The following AGBL4 variants were observed in gnomAD, a reference collection of about 807,000 sequenced individuals.
AGBL4 encodes the protein AGBL carboxypeptidase 4, also known as cytosolic carboxypeptidase 6.
Under a neutral mutation model 66.4 loss-of-function variants are expected in AGBL4, and 58 were observed. That is an observed-to-expected ratio of 0.87 (90% CI 0.71 to 1.09). The LOEUF is 1.09. Among genes scored for constraint, AGBL4 ranks in the 50% least tolerant of loss-of-function variants. The pLI is 0.00. For synonymous variants in AGBL4, 234 were observed against 222.9 expected (o/e 1.05, Z -0.44); for missense variants, 579 against 631.0 (o/e 0.92, Z 0.88).
At chr1:49,096,597 C>G (rs1329401314) in intron 4 of AGBL4, among the ~76,000 whole-genome samples, 2 of 148,424 alleles carry the variant, frequency 1.3e-5, no homozygotes, top group Non-Finnish European at 3.0e-5. Context: ...GGACAAAAAA[C>G]CAAATACTGC....
intron 3 of AGBL4, among the ~76,000 whole-genome samples, chr1:49,480,918 G>A (rs10000902): frequency 2.5e-4 from 38 of 151,852 alleles, no homozygotes; most frequent in Non-Finnish European, 4.7e-4. Context: ...GCTTGTTTTC[G>A]TCAGGTTTGT....
chr1:48,903,596 C>G (rs542344172), intron 5 of AGBL4, among the ~76,000 whole-genome samples: 1 of 152,334 alleles, frequency 6.6e-6, no homozygotes, highest in South Asian at 2.1e-4. Context: ...TTCAGCACTT[C>G]TCCTACCACT....
At chr1:49,303,318 ATC>A (rs1294692880) in intron 3 of AGBL4, among the ~76,000 whole-genome samples, 3 of 152,104 alleles carry the variant, frequency 2.0e-5, no homozygotes, top group African/African-American at 7.2e-5. Flanking sequence ...CCTTGCCAGC[ATC>A]TGTTTTTTCT....
chr1:49,967,169 T>A (rs1480040472), intron 1 of AGBL4, among the ~76,000 whole-genome samples: 1 of 152,210 alleles, frequency 6.6e-6, no homozygotes, highest in Non-Finnish European at 1.5e-5. Context: ...CCAGCATCTG[T>A]TGTTTCCTGA....
At chr1:49,551,027 G>T (rs184019005) in intron 3 of AGBL4, among the ~76,000 whole-genome samples, 2 of 152,018 alleles carry the variant, frequency 1.3e-5, no homozygotes, top group Non-Finnish European at 2.9e-5. Flanking sequence ...TTGTTGGATT[G>T]GGTTAATTAA....
chr1:49,135,846 T>C lies in AGBL4; in HGVS notation c.378-90046A>G, dbSNP rs373872529. Among the ~76,000 whole-genome samples the C allele has an allele frequency of 1.2e-4, 19 of 152,258 alleles. No homozygotes were observed. The East Asian group carries it at 2.5e-3, about 20-fold the overall frequency. On this transcript the variant is annotated intron_variant, in intron 4 of 13. Coordinates refer to ENST00000371839, the MANE Select transcript of AGBL4 (RefSeq NM_032785.4). ...CTGCAGAGATTTTGTTTATGGCCAG[T>C]TTTGGTGCCAGTTTACGGCCAGATT...
At chr1:48,681,197 A>G (rs759498301) in intron 6 of AGBL4, among the ~76,000 whole-genome samples, 2 of 152,216 alleles carry the variant, frequency 1.3e-5, no homozygotes, top group South Asian at 4.2e-4. Context: ...TTTCATTTCT[A>G]TATCTGTAAA....
chr1:49,782,010 T>A (rs1644349230), intron 2 of AGBL4, among the ~76,000 whole-genome samples: 2 of 152,066 alleles, frequency 1.3e-5, no homozygotes, highest in Middle Eastern at 3.4e-3. Flanking sequence ...CTTATATTTT[T>A]AAATAAGAAT....
chr1:49,931,153 A>G (rs1170410362), intron 1 of AGBL4, among the ~76,000 whole-genome samples: 2 of 152,200 alleles, frequency 1.3e-5, no homozygotes, highest in Non-Finnish European at 2.9e-5. Flanking sequence ...ACTTCTTACA[A>G]TAGTGTATAA....
intron 6 of AGBL4, among the ~76,000 whole-genome samples, chr1:48,828,093 G>A (rs1342446791): frequency 6.6e-6 from 1 of 151,174 alleles, no homozygotes; most frequent in African/African-American, 2.4e-5. Flanking sequence ...CTACTTGGGA[G>A]GCTGAGGCAG....
Position 48,759,164 on chromosome 1 carries a change from C to T in AGBL4, c.635-95923G>A, listed in dbSNP as rs374150750. The T allele has an allele frequency of 1.2e-5, 20 of 1,614,196 alleles. No individual in the cohort carries two copies. The highest frequency in any genetic ancestry group is 6.7e-5 in the Admixed American group (4 of 60,026). On this transcript the variant is annotated intron_variant, in intron 6 of 13. Coordinates refer to ENST00000371839, the MANE Select transcript of AGBL4 (RefSeq NM_032785.4). ...TCCTCTGTGCCTGGCGAGGCCTCCA[C>T]GAAGACCTCTTCCGGACACGTGCTA...
Position 49,850,018 on chromosome 1 carries a change from T to C in AGBL4, c.157+1378A>G, listed in dbSNP as rs550647593. Among the ~76,000 whole-genome samples, 4 of 152,148 alleles carry C rather than the reference T, an allele frequency of 2.6e-5. No homozygotes were observed. The South Asian group carries it at 8.3e-4, about 32-fold the overall frequency. ...AGATTTATAGAAAATAAAAAGCCATTGTTCTTAATTATGCGGACAGTATTC... is the reference window on the plus strand; with the variant it reads ...AGATTTATAGAAAATAAAAAGCCATCGTTCTTAATTATGCGGACAGTATTC... On this transcript the variant is annotated intron_variant, in intron 2 of 13. Transcript: ENST00000371839.
chr1:49,073,733 G>A (rs1644655719), intron 4 of AGBL4, among the ~76,000 whole-genome samples: 1 of 152,178 alleles, frequency 6.6e-6, no homozygotes, highest in Non-Finnish European at 1.5e-5. Flanking sequence ...GGGGGTCAGG[G>A]ACCCACTTGA....
intron 11 of AGBL4, among the ~76,000 whole-genome samples, chr1:48,545,143 G>A (rs1011135046): frequency 6.6e-6 from 1 of 152,166 alleles, no homozygotes; most frequent in African/African-American, 2.4e-5. Flanking sequence ...TCCATACTGA[G>A]AGCCAGACTT....
chr1:48,715,287 C>A (rs1450737510), intron 6 of AGBL4, among the ~76,000 whole-genome samples: 1 of 152,194 alleles, frequency 6.6e-6, no homozygotes, highest in Non-Finnish European at 1.5e-5. Flanking sequence ...CTGGGACACT[C>A]AAGGAGAACC....
chr1:49,160,570 C>T (rs1275863760), intron 4 of AGBL4, among the ~76,000 whole-genome samples: 2 of 152,154 alleles, frequency 1.3e-5, no homozygotes, highest in Non-Finnish European at 2.9e-5. Context: ...TAGCAGAGTT[C>T]GAACACTGTG....
chr1:49,749,825 A>C (rs1211649557), intron 2 of AGBL4, among the ~76,000 whole-genome samples: 1 of 152,152 alleles, frequency 6.6e-6, no homozygotes, highest in South Asian at 2.1e-4. Flanking sequence ...AAATTCTGGA[A>C]GCCTTTTCGT....
intron 6 of AGBL4, among the ~76,000 whole-genome samples, chr1:48,820,680 AC>A (rs1374784113): frequency 6.6e-6 from 1 of 152,142 alleles, no homozygotes; most frequent in African/African-American, 2.4e-5. Flanking sequence ...GAGCCTGTCA[AC>A]CTTTGGACTG....
At chr1:49,107,694 T>TGAGAGAGAGAGA (rs56321932) in intron 4 of AGBL4, among the ~76,000 whole-genome samples, 8 of 113,988 alleles carry the variant, frequency 7.0e-5, no homozygotes, top group Admixed American at 1.8e-4. Flanking sequence ...TGTGTGTGTG[T>TGAGAGAGAGAGA]GAGAGAGAGA....
Sources: allele counts gnomAD v4.1 joint callset (sites outside exome capture counted in the v4.1 genomes callset), GRCh38; gene constraint gnomAD v4.1.1; transcripts MANE v1.5; gene names NCBI Gene and HGNC (gene_info 2026-07-23, HGNC 2026-07-21).